The following SLC25A22 variants were observed in gnomAD, a reference collection of about 807,000 sequenced individuals.
The protein encoded by SLC25A22 is mitochondrial glutamate carrier 1.
A neutral mutation model predicts 33.7 loss-of-function variants in SLC25A22; 23 were observed. The ratio of observed to expected loss-of-function variants is 0.68; its 90% CI spans 0.49 to 0.97. SLC25A22 has a LOEUF of 0.97. Among genes scored for constraint, SLC25A22 ranks in the 50% least tolerant of loss-of-function variants. SLC25A22 has a pLI of 0.00. For synonymous variants in SLC25A22, 245 were observed against 203.8 expected, an observed-to-expected ratio of 1.20 and a Z score of -1.72; for missense variants, 390 against 451.1, an observed-to-expected ratio of 0.86 and a Z score of 1.23.
Position 795,094 on chromosome 11 carries a change from G to C in SLC25A22, c.-88C>G, listed in dbSNP as rs1040163816. On this transcript the variant is annotated 5_prime_UTR_variant, in exon 2 of 10. Transcript: ENST00000628067. Reference sequence around the variant, plus strand: ...TGGAGGTGGAGGAGGCCTTGAGGGAGGGTGGGACCCAGGGGGGTTGGGTGG... The same window carrying C: ...TGGAGGTGGAGGAGGCCTTGAGGGACGGTGGGACCCAGGGGGGTTGGGTGG... 77 of 1,494,042 alleles carry C rather than the reference G, an allele frequency of 5.2e-5. No individual in the cohort carries two copies. Among genetic ancestry groups the C allele is most frequent in the Non-Finnish European group, 6.6e-5 (73 of 1,102,612 alleles). The allele number at this position is 1,494,042 out of a possible 1,614,324, so 92.5% of individuals were successfully genotyped here.
Position 792,168 on chromosome 11 carries a change from G to A in SLC25A22, c.792C>T (p.Thr264=), listed in dbSNP as rs772170781. Residue 264 remains threonine (T), a synonymous_variant, in exon 9 of 10, where the codon ACC becomes ACT. Coordinates refer to ENST00000628067, the MANE Select transcript of SLC25A22 (RefSeq NM_001191061.2). The stretch of plus-strand genomic sequence containing the variant: ...TGGCACAGTCCAGGATCCCAGAGTA[G>A]GTGTCCTCGTTGACGCCTCGCTGAA... ...QSLQRGVNED[T]YSGILDCARK... 3.1e-6 allele frequency: 5 copies of A among 1,612,702 alleles called. No individual in the cohort carries two copies. The highest frequency in any genetic ancestry group is 4.2e-6 in the Non-Finnish European group (5 of 1,179,846).
rs1341128179 is a variant in SLC25A22 at position 794,854 on chromosome 11, A to G, written c.68T>C (p.Val23Ala). The G allele has an allele frequency of 1.3e-6, 2 of 1,578,744 alleles. No homozygotes were observed. Among genetic ancestry groups the G allele is most frequent in the Admixed American group, 1.9e-5 (1 of 53,862 alleles). Residue 23 changes from valine (V) to alanine (A), a missense_variant, in exon 3 of 10, where the codon GTC (valine) becomes GCC (alanine). By Grantham distance (64) the Val-to-Ala change is moderately conservative. Transcript: ENST00000628067. The stretch of plus-strand genomic sequence containing the variant: ...CAGGTCGATGGGAAACACGCAGGTG[A>G]CACCGATCAGCCCGGCGATGCCGCC... ...INGGIAGLIG[V>A]TCVFPIDLAK...
At position 791,779 on chromosome 11, in the gene SLC25A22, T is replaced by G. The variant is rs1590116808; in HGVS notation, c.*136A>C. The G allele has an allele frequency of 3.2e-6, 4 of 1,262,356 alleles. No homozygotes were observed. The East Asian group carries it at 1.0e-4, about 32-fold the overall frequency. 78.2% of individuals were successfully genotyped at this position (1,262,356 alleles called of 1,614,324 possible). The stretch of plus-strand genomic sequence containing the variant: ...GCGTGTGCACCACCTATGTGGACCC[T>G]GCACCCTGCCCCCTGCTGCCCCTGC... On this transcript the variant is annotated 3_prime_UTR_variant, in exon 10 of 10. Transcript: ENST00000628067.
At chr11:796,596 G>A (rs975614836) in intron 1 of SLC25A22, among the ~76,000 whole-genome samples, 1 of 152,230 alleles carries the variant, frequency 6.6e-6, no homozygotes, top group African/African-American at 2.4e-5. Context: ...TATGTACCTG[G>A]ACAGGGAATC....
chr11:793,962 A>AG, intron 4 of SLC25A22: 1 of 473,584 alleles, frequency 2.1e-6, no homozygotes, highest in Non-Finnish European at 3.9e-6. Context: ...TTGTGCTGGC[A>AG]GGGGGCTGGG....
chr11:798,094 C>G (rs927003761), intron 1 of SLC25A22, 123 bp downstream of exon 1: 5 of 398,102 alleles, frequency 1.3e-5, no homozygotes, highest in African/African-American at 6.2e-5. Context: ...CCCCCTCCCG[C>G]CCGCCAGGCC....
rs779994570 is a variant in SLC25A22 at position 793,643 on chromosome 11, G to A, written c.203-24C>T. 2.6e-6 allele frequency: 4 copies of A among 1,564,282 alleles called. No homozygotes were observed. The East Asian group carries it at 8.9e-5, about 35-fold the overall frequency. ...TCCTGTGGGGCAGGGGGTCAGCTGGGGGGACATGCTCGGTGGCCTGAGTGG... is the reference window on the plus strand; with the variant it reads ...TCCTGTGGGGCAGGGGGTCAGCTGGAGGGACATGCTCGGTGGCCTGAGTGG... On this transcript the variant is annotated intron_variant, in intron 4 of 9. Transcript: ENST00000628067.
intron 4 of SLC25A22, chr11:794,154 C>T (rs916901711): frequency 4.9e-5 from 33 of 666,772 alleles, no homozygotes; most frequent in Non-Finnish European, 7.7e-5. Context: ...CAGCCACAAA[C>T]GGGGTCCAGC....
chr11:794,551 G>C (rs765455188), intron 3 of SLC25A22, 38 bp from the exon 4 acceptor site: 1 of 1,606,902 alleles, frequency 6.2e-7, no homozygotes, highest in East Asian at 2.2e-5. Flanking sequence ...GGGCCAGCTG[G>C]GGCCAGCCGG....
rs563337242 is a variant in SLC25A22, at chr11:794,303, C to T, written c.202+155G>A. ...AACTACCACTCACCAGAGATCCAGT[C>T]CCCCCTGCACAGGCACAGCCCCCAC... is the stretch of plus-strand genomic sequence containing the variant. On this transcript the variant is annotated intron_variant, in intron 4 of 9. Coordinates refer to ENST00000628067, the MANE Select transcript of SLC25A22 (RefSeq NM_001191061.2). 102 of 883,824 alleles carry T rather than the reference C, an allele frequency of 1.2e-4. No homozygotes were observed. In the African/African-American group the frequency reaches 1.5e-3, roughly 13 times the overall value. The allele number at this position is 883,824 out of a possible 1,614,324, so 54.7% of individuals were successfully genotyped here. A position where few individuals can be genotyped will look rare whatever the true frequency, so the allele number is the denominator to read the frequency against.
At position 792,382 on chromosome 11, in the gene SLC25A22, TCTC is replaced by T. The variant is rs1307254132; in HGVS notation, c.661_663del (p.Glu221del). 3 of 1,612,954 alleles carry T rather than the reference TCTC, an allele frequency of 1.9e-6. No individual in the cohort carries two copies. Among genetic ancestry groups the T allele is most frequent in the Non-Finnish European group, 2.5e-6 (3 of 1,179,900 alleles). ...AGGAAGGACACGTAGAAAGGCGACTTCTCCTCGGACGCCGGGCGGCCCAGCTGG... is the reference window on the plus strand; with the variant it reads ...AGGAAGGACACGTAGAAAGGCGACTTCTCGGACGCCGGGCGGCCCAGCTGG... On this transcript the variant is annotated inframe_deletion, in exon 8 of 10. Transcript: ENST00000628067.
At chr11:793,794 G>C in intron 4 of SLC25A22, 175 bp from the exon 5 acceptor site, 1 of 633,650 alleles carries the variant, frequency 1.6e-6, no homozygotes, top group Non-Finnish European at 2.9e-6. Flanking sequence ...GCCAGGCAGG[G>C]ATGGGGCAGC....
chr11:792,861 C>A lies in SLC25A22; in HGVS notation c.412+9G>T. 1.3e-6 allele frequency: 2 copies of A among 1,494,264 alleles called. No homozygotes were observed. The highest frequency in any genetic ancestry group is 1.1e-5 in the South Asian group (1 of 88,264). The allele number at this position is 1,494,264 out of a possible 1,614,324, so 92.6% of individuals were successfully genotyped here. A position where few individuals can be genotyped will look rare whatever the true frequency, so the allele number is the denominator to read the frequency against. ...CTCTGCCCTCTCCTCCCCCTCCCCCCGCCCTCACCAATGCGCCCTGCATCC... is the reference window on the plus strand; with the variant it reads ...CTCTGCCCTCTCCTCCCCCTCCCCCAGCCCTCACCAATGCGCCCTGCATCC... On this transcript the variant is annotated intron_variant, in intron 6 of 9. Coordinates refer to ENST00000628067, the MANE Select transcript of SLC25A22 (RefSeq NM_001191061.2).
chr11:792,115 GC>G, intron 9 of SLC25A22, 26 bp downstream of exon 9: 1 of 1,607,366 alleles, frequency 6.2e-7, no homozygotes, highest in Non-Finnish European at 8.5e-7. Context: ...AGGCCCCCAG[GC>G]CCCACCCGCC....
At chr11:797,724 G>A in intron 1 of SLC25A22, 1 of 398,650 alleles carries the variant, frequency 2.5e-6, no homozygotes. Context: ...TGGCTGGAGG[G>A]TCCCGGAAGG....
intron 6 of SLC25A22, 46 bp from the exon 7 acceptor site, chr11:792,773 A>G: frequency 6.5e-7 from 1 of 1,547,548 alleles, no homozygotes; most frequent in Non-Finnish European, 8.7e-7. Context: ...CGAACTGGGC[A>G]GGGGACACGC....
chr11:796,014 GC>G, intron 1 of SLC25A22: 1 of 152,398 alleles, frequency 6.6e-6, no homozygotes, highest in East Asian at 1.9e-4. Flanking sequence ...CCCTCCCTGG[GC>G]CCCCCAGAGG....
chr11:792,624 C>A lies in SLC25A22; in HGVS notation c.516G>T (p.Gln172His). 2 of 1,601,838 alleles carry A rather than the reference C, an allele frequency of 1.2e-6. No individual in the cohort carries two copies. Among genetic ancestry groups the A allele is most frequent in the Admixed American group, 1.7e-5 (1 of 58,526 alleles). The change falls in exon 7 of 10, where the codon CAG becomes CAT. Residue 172 changes from glutamine to histidine, a missense_variant. By Grantham distance (24) the Gln-to-His change is conservative (BLOSUM62 0). Transcript: ENST00000628067. ...APAAPRPTATQLTRDLLRSRG... is the reference protein window; with the variant it reads ...APAAPRPTATHLTRDLLRSRG... ...GGCTCCGCAGCAGGTCGCGGGTCAGCTGGGTGGCCGTGGGCCGAGGGGCAG... is the reference window on the plus strand; with the variant it reads ...GGCTCCGCAGCAGGTCGCGGGTCAGATGGGTGGCCGTGGGCCGAGGGGCAG...
intron 1 of SLC25A22, among the ~76,000 whole-genome samples, chr11:796,810 T>C (rs903591473): frequency 6.6e-6 from 1 of 152,208 alleles, no homozygotes; most frequent in Non-Finnish European, 1.5e-5. Flanking sequence ...GCACACGAGC[T>C]GGCATGCCCA....
Sources: allele counts gnomAD v4.1 joint callset (sites outside exome capture counted in the v4.1 genomes callset), GRCh38; gene constraint gnomAD v4.1.1; transcripts MANE v1.5; gene names NCBI Gene and HGNC (gene_info 2026-07-23, HGNC 2026-07-21).